The following EPB41L4B variants were observed in gnomAD, a reference collection of about 807,000 sequenced individuals.
EPB41L4B encodes band 4.1-like protein 4B.
Under a neutral mutation model 112.5 loss-of-function variants are expected in EPB41L4B, and 30 were observed. The ratio of observed to expected loss-of-function variants is 0.27; its 90% confidence interval spans 0.20 to 0.36. The LOEUF is 0.36. EPB41L4B is among the 10% of genes least tolerant of loss of function. The pLI is 1.00. For synonymous variants in EPB41L4B, 408 were observed against 439.7 expected, an observed-to-expected ratio of 0.93 and a Z score of 0.90; for missense variants, 1,024 against 1,133.3, an observed-to-expected ratio of 0.90 and a Z score of 1.38.
chr9:109,193,554 T>G (rs1832538447), intron 21 of EPB41L4B, among the ~76,000 whole-genome samples: 1 of 152,224 alleles, frequency 6.6e-6, no homozygotes, highest in African/African-American at 2.4e-5. Flanking sequence ...TCAGGGCACC[T>G]GCCTCCTGCA....
intron 2 of EPB41L4B, among the ~76,000 whole-genome samples, chr9:109,276,574 G>C (rs536224746): frequency 5.3e-5 from 8 of 152,332 alleles, no homozygotes; most frequent in African/African-American, 1.9e-4. Context: ...CCTCAAATTT[G>C]TAGAGTTGGA....
intron 1 of EPB41L4B, among the ~76,000 whole-genome samples, chr9:109,317,393 G>A (rs1217329420): frequency 6.6e-5 from 10 of 152,142 alleles, no homozygotes; most frequent in Non-Finnish European, 1.2e-4. Flanking sequence ...TAAAAGAAAC[G>A]TGTTTTCACC....
intron 1 of EPB41L4B, among the ~76,000 whole-genome samples, chr9:109,281,151 G>C (rs1003430540): frequency 1.4e-5 from 2 of 147,792 alleles, no homozygotes; most frequent in African/African-American, 2.5e-5. Flanking sequence ...TTGCTTCAAA[G>C]GACATGGAGA....
intron 2 of EPB41L4B, among the ~76,000 whole-genome samples, chr9:109,276,286 T>G (rs1187790101): frequency 6.7e-6 from 1 of 149,028 alleles, no homozygotes; most frequent in East Asian, 1.9e-4. Flanking sequence ...CTTTGAGAGT[T>G]CAGGACACGC....
At chr9:109,292,885 C>T (rs1325952162) in intron 1 of EPB41L4B, among the ~76,000 whole-genome samples, 1 of 152,156 alleles carries the variant, frequency 6.6e-6, no homozygotes, top group Non-Finnish European at 1.5e-5. Context: ...CCATGTGAAA[C>T]GTCTAACTAC....
At chr9:109,261,032 A>G (rs1277856426) in intron 6 of EPB41L4B, among the ~76,000 whole-genome samples, 2 of 152,226 alleles carry the variant, frequency 1.3e-5, no homozygotes, top group South Asian at 2.1e-4. Flanking sequence ...CCTGACATCT[A>G]CTGCTGGGCT....
At chr9:109,192,974 T>C (rs755826456) in intron 21 of EPB41L4B, among the ~76,000 whole-genome samples, 5 of 152,136 alleles carry the variant, frequency 3.3e-5, no homozygotes. Context: ...TTGCATCCCC[T>C]CCACGCCACC....
At position 109,320,117 on chromosome 9, in the gene EPB41L4B, C is replaced by T. The variant is rs748453341; in HGVS notation, c.306+24G>A. The T allele has an allele frequency of 8.4e-6, 12 of 1,422,982 alleles. No homozygotes were observed. In the Admixed American group the frequency reaches 2.7e-4, roughly 32 times the overall value. The allele number at this position is 1,422,982 out of a possible 1,614,324, so 88.1% of individuals were successfully genotyped here. On this transcript the variant is annotated intron_variant, in intron 1 of 25. Coordinates refer to ENST00000374566, the MANE Select transcript of EPB41L4B (RefSeq NM_019114.5). ...CCTCCAGGGGCGCGAGGTGCCAGTG[C>T]CCCAGACTGGCCCCGTCACTCACCG...
At chr9:109,187,784 C>T (rs1832321946) in intron 22 of EPB41L4B, among the ~76,000 whole-genome samples, 1 of 152,188 alleles carries the variant, frequency 6.6e-6, no homozygotes, top group African/African-American at 2.4e-5. Context: ...GTGTCCTGGC[C>T]ACCAACTGAA....
chr9:109,255,948 T>A (rs992322987), intron 9 of EPB41L4B, 105 bp from the exon 10 acceptor site: 5 of 1,257,164 alleles, frequency 4.0e-6, no homozygotes, highest in Non-Finnish European at 4.4e-6. Context: ...AAAAAAAAAA[T>A]AAAAACATTC....
intron 1 of EPB41L4B, among the ~76,000 whole-genome samples, chr9:109,306,795 A>C (rs965553946): frequency 7.2e-5 from 11 of 152,316 alleles, no homozygotes; most frequent in African/African-American, 2.6e-4. Flanking sequence ...CTTATTAATC[A>C]GCCAGCCTTC....
At chr9:109,181,024 A>G (rs1832033103) in intron 24 of EPB41L4B, among the ~76,000 whole-genome samples, 1 of 152,180 alleles carries the variant, frequency 6.6e-6, no homozygotes, top group South Asian at 2.1e-4. Flanking sequence ...AATTTTTTAA[A>G]AAATCAAGAC....
chr9:109,185,004 T>G (rs1453359966), intron 23 of EPB41L4B, among the ~76,000 whole-genome samples: 1 of 152,176 alleles, frequency 6.6e-6, no homozygotes, highest in Non-Finnish European at 1.5e-5. Context: ...ATGAATGATA[T>G]GAATAAATAG....
At chr9:109,313,212 T>A (rs756677600) in intron 1 of EPB41L4B, among the ~76,000 whole-genome samples, 11 of 152,238 alleles carry the variant, frequency 7.2e-5, no homozygotes, top group Non-Finnish European at 1.6e-4. Context: ...AGAAACACTC[T>A]TCTCTCTCCG....
chr9:109,253,645 C>T (rs766971036), intron 11 of EPB41L4B, 95 bp from the exon 12 acceptor site: 28 of 799,718 alleles, frequency 3.5e-5, no homozygotes, highest in Middle Eastern at 4.6e-4. Context: ...AGAGCTCCAA[C>T]GTACGTTTCA....
chr9:109,313,435 G>A lies in EPB41L4B; in HGVS notation c.306+6706C>T, dbSNP rs566842319. On this transcript the variant is annotated intron_variant, in intron 1 of 25. Coordinates refer to ENST00000374566, the MANE Select transcript of EPB41L4B (RefSeq NM_019114.5). ...AGATTAGAGGGATTAGGGTGGTGGG[G>A]GGGCACACCAGGATGCTGCCCGGCT... 7.9e-5 allele frequency among the ~76,000 whole-genome samples: 12 copies of A among 152,344 alleles called. No individual in the cohort carries two copies. In the East Asian group the frequency reaches 9.6e-4, roughly 12 times the overall value.
intron 16 of EPB41L4B, 121 bp downstream of exon 16, chr9:109,216,801 G>A (rs1833386285): frequency 9.7e-7 from 1 of 1,028,330 alleles, no homozygotes; most frequent in Admixed American, 1.8e-5. Context: ...CGGTAGCCCA[G>A]CATAACATGA....
At chr9:109,212,477 A>T (rs551197680) in intron 17 of EPB41L4B, among the ~76,000 whole-genome samples, 33 of 152,286 alleles carry the variant, frequency 2.2e-4, no homozygotes, top group African/African-American at 7.5e-4. Flanking sequence ...TAGAAAAAAA[A>T]AGTGAATGAG....
At chr9:109,213,431 G>A (rs1833250826) in intron 17 of EPB41L4B, among the ~76,000 whole-genome samples, 2 of 152,132 alleles carry the variant, frequency 1.3e-5, no homozygotes, top group African/African-American at 2.4e-5. Context: ...TGGAGCTTTC[G>A]GTCTAGTAGG....
Sources: gnomAD v4.1 joint callset for allele counts (sites outside exome capture counted in the v4.1 genomes callset) on GRCh38, gnomAD v4.1.1 for gene constraint, MANE v1.5 for transcripts, NCBI Gene and HGNC (gene_info 2026-07-23, HGNC 2026-07-21) for gene names.